GABBR2: variants seen among roughly 807,000 people sequenced by gnomAD.
The protein encoded by GABBR2 is gamma-aminobutyric acid type B receptor subunit 2.
Under a neutral mutation model 105.6 loss-of-function variants are expected in GABBR2, and 23 were observed. The observed-to-expected ratio is 0.22, with a 90% CI of 0.16 to 0.31. GABBR2 has a LOEUF of 0.31. Among genes scored for constraint, GABBR2 ranks in the 10% least tolerant of loss-of-function variants. GABBR2 has a pLI of 1.00. For missense variants in GABBR2, 734 were observed against 1,245.5 expected, an observed-to-expected ratio of 0.59 and a Z score of 6.18; for synonymous variants, 478 against 499.7, an observed-to-expected ratio of 0.96 and a Z score of 0.58.
intron 13 of GABBR2, among the ~76,000 whole-genome samples, chr9:98,329,714 T>C (rs978214246): frequency 6.6e-5 from 10 of 152,180 alleles, no homozygotes; most frequent in Admixed American, 5.9e-4. Flanking sequence ...CCCACTCTCA[T>C]TTTTTTCTTT....
intron 3 of GABBR2, among the ~76,000 whole-genome samples, chr9:98,529,530 G>A (rs1828025273): frequency 6.6e-6 from 1 of 152,200 alleles, no homozygotes; most frequent in African/African-American, 2.4e-5. Context: ...CTTTCAGTGG[G>A]TAGGTTATGG....
Position 98,607,740 on chromosome 9 carries a change from T to C in GABBR2, c.322-29668A>G. ...AAGAGGTTACTAATAATGTCCACTA[T>C]GAGAACTACAGAAGCAGAAAACTGG... On this transcript the variant is annotated intron_variant, in intron 1 of 18. Transcript: ENST00000259455. 5.2e-6 allele frequency: 4 copies of C among 774,184 alleles called. No homozygotes were observed. The East Asian group carries it at 7.3e-5, about 14-fold the overall frequency. 48.0% of individuals were successfully genotyped at this position (774,184 alleles called of 1,614,324 possible).
rs74326515 is a variant in GABBR2 at position 98,607,510 on chromosome 9, A to G, written c.322-29438T>C. On this transcript the variant is annotated intron_variant, in intron 1 of 18. Transcript: ENST00000259455. ...AAAATATATGAATTTCTAGAAACAT[A>G]ATAAAGAAGAAAATAAACTTGTTAA... 2,408 of 591,104 alleles carry G rather than the reference A, an allele frequency of 4.1e-3. 46 individuals are homozygous for G. In the African/African-American group the frequency reaches 0.041, roughly 10 times the overall value. 36.6% of individuals were successfully genotyped at this position (591,104 alleles called of 1,614,324 possible). A position where few individuals can be genotyped will look rare whatever the true frequency, so the allele number is the denominator to read the frequency against.
intron 2 of GABBR2, among the ~76,000 whole-genome samples, chr9:98,570,795 G>T (rs916760257): frequency 1.3e-5 from 2 of 152,254 alleles, no homozygotes; most frequent in Non-Finnish European, 2.9e-5. Context: ...GCGGGCTGAG[G>T]CTGAGCCCAA....
chr9:98,519,514 G>T (rs1173840938), intron 3 of GABBR2, among the ~76,000 whole-genome samples: 2 of 152,232 alleles, frequency 1.3e-5, no homozygotes, highest in Admixed American at 1.3e-4. Flanking sequence ...GCCCTCAAAC[G>T]TATATCACTC....
chr9:98,299,084 GCTC>G, intron 17 of GABBR2, 137 bp downstream of exon 17: 2 of 733,850 alleles, frequency 2.7e-6, no homozygotes, highest in Non-Finnish European at 4.7e-6. Context: ...GGTTCCAGAT[GCTC>G]CAGCTCTGTG....
chr9:98,363,679 C>T (rs1831627357), intron 12 of GABBR2, among the ~76,000 whole-genome samples: 1 of 152,142 alleles, frequency 6.6e-6, no homozygotes, highest in African/African-American at 2.4e-5. Context: ...GCCTGGTATG[C>T]AGTAGCTACT....
rs200832069 is a variant in GABBR2, at chr9:98,541,897, C to G, written c.606G>C (p.Thr202=). 1.9e-6 allele frequency: 3 copies of G among 1,614,166 alleles called. No individual in the cohort carries two copies. Among genetic ancestry groups the G allele is most frequent in the East Asian group, 2.2e-5 (1 of 44,884 alleles). ...HYQWKRVGTL[T]QDVQRFSEVR... is the part of the protein sequence containing the mutation. ...CCTCAGAGAACCTCTGAACGTCTTGCGTCAGCGTGCCCACGCGCTTCCACT... is the reference window on the plus strand; with the variant it reads ...CCTCAGAGAACCTCTGAACGTCTTGGGTCAGCGTGCCCACGCGCTTCCACT... The change falls in exon 3 of 19, where the codon ACG becomes ACC. Residue 202 remains threonine, a synonymous_variant. Transcript: ENST00000259455.
chr9:98,427,733 GTA>G (rs1471863996), intron 7 of GABBR2, among the ~76,000 whole-genome samples: 2 of 47,802 alleles, frequency 4.2e-5, no homozygotes, highest in Non-Finnish European at 9.9e-5. Flanking sequence ...GCCAGCCACC[GTA>G]TCATGAAGAC....
intron 1 of GABBR2, among the ~76,000 whole-genome samples, chr9:98,689,841 T>G (rs760710547): frequency 5.9e-5 from 9 of 152,210 alleles, no homozygotes; most frequent in Non-Finnish European, 1.3e-4. Context: ...CAGGATATAT[T>G]TATCTGTTTT....
intron 1 of GABBR2, among the ~76,000 whole-genome samples, chr9:98,590,162 C>A (rs1829127363): frequency 6.6e-6 from 1 of 152,134 alleles, no homozygotes; most frequent in South Asian, 2.1e-4. Flanking sequence ...GTGGGTAGAG[C>A]CTGAAATAAA....
At chr9:98,478,270 C>T (rs1826835572) in intron 5 of GABBR2, among the ~76,000 whole-genome samples, 1 of 152,126 alleles carries the variant, frequency 6.6e-6, no homozygotes, top group East Asian at 1.9e-4. Context: ...CAATAGAGAT[C>T]GGAAGGCTCT....
At chr9:98,543,370 T>A (rs910435473) in intron 2 of GABBR2, among the ~76,000 whole-genome samples, 2 of 150,880 alleles carry the variant, frequency 1.3e-5, no homozygotes, top group African/African-American at 4.9e-5. Context: ...ATATATATAT[T>A]TATTTATTAT....
intron 4 of GABBR2, among the ~76,000 whole-genome samples, chr9:98,492,803 C>T (rs987412209): frequency 6.6e-6 from 1 of 152,146 alleles, no homozygotes; most frequent in African/African-American, 2.4e-5. Context: ...TAAAGTTATT[C>T]CCATCATATC....
intron 5 of GABBR2, 134 bp downstream of exon 5, chr9:98,480,798 C>T (rs1168007267): frequency 1.5e-6 from 1 of 667,970 alleles, no homozygotes; most frequent in East Asian, 2.7e-5. Context: ...ACAGTGAACG[C>T]AACTCTTCTG....
At chr9:98,326,336 T>C (rs1340259433) in intron 13 of GABBR2, among the ~76,000 whole-genome samples, 1 of 152,182 alleles carries the variant, frequency 6.6e-6, no homozygotes, top group Non-Finnish European at 1.5e-5. Context: ...CCATGCAAGG[T>C]AGGACAGGAA....
chr9:98,486,531 G>A (rs1010561998), intron 4 of GABBR2, among the ~76,000 whole-genome samples: 2 of 152,164 alleles, frequency 1.3e-5, no homozygotes, highest in African/African-American at 4.8e-5. Flanking sequence ...GCCTGACCCT[G>A]ACCTCTGGGT....
intron 1 of GABBR2, among the ~76,000 whole-genome samples, chr9:98,626,951 G>A (rs575209124): frequency 6.6e-6 from 1 of 152,306 alleles, no homozygotes; most frequent in African/African-American, 2.4e-5. Flanking sequence ...CCTGCTTCAG[G>A]AATAAGTGAG....
intron 2 of GABBR2, among the ~76,000 whole-genome samples, chr9:98,571,194 C>A (rs1828824476): frequency 6.6e-6 from 1 of 152,164 alleles, no homozygotes; most frequent in Non-Finnish European, 1.5e-5. Flanking sequence ...ATAGTCCTGC[C>A]AGCAGCCTGT....
Sources: allele counts gnomAD v4.1 joint callset (sites outside exome capture counted in the v4.1 genomes callset), GRCh38; gene constraint gnomAD v4.1.1; transcripts MANE v1.5; gene names NCBI Gene and HGNC (gene_info 2026-07-23, HGNC 2026-07-21).